HEMK2: variants seen among roughly 807,000 people sequenced by gnomAD.
HEMK2 encodes the protein HemK methyltransferase 2, ETF1 glutamine and histone H4 lysine.
chr21:28,656,037 C>A, the HEMK2 span, among the ~76,000 whole-genome samples: 2 of 151,874 alleles, frequency 1.3e-5, no homozygotes, highest in Non-Finnish European at 2.9e-5. Flanking sequence ...CTTTAAATAT[C>A]CAACTGAGTT....
At chr21:28,768,896 G>A in the HEMK2 span, among the ~76,000 whole-genome samples, 8 of 151,958 alleles carry the variant, frequency 5.3e-5, no homozygotes, top group Non-Finnish European at 1.0e-4. Flanking sequence ...GAAACACCAG[G>A]GGTGAGCATG....
At chr21:28,699,141 C>T in the HEMK2 span, among the ~76,000 whole-genome samples, 1 of 152,104 alleles carries the variant, frequency 6.6e-6, no homozygotes, top group African/African-American at 2.4e-5. Flanking sequence ...CATGAACCAC[C>T]AGAGAAAATC....
At chr21:28,714,459 G>A in the HEMK2 span, among the ~76,000 whole-genome samples, 1 of 152,122 alleles carries the variant, frequency 6.6e-6, no homozygotes, top group Non-Finnish European at 1.5e-5. Context: ...TACAGACAAT[G>A]AGATGAGGCT....
chr21:28,848,050 A>T, the HEMK2 span, among the ~76,000 whole-genome samples: 31 of 152,316 alleles, frequency 2.0e-4, no homozygotes, highest in African/African-American at 7.5e-4. Context: ...GAAGTCAGGT[A>T]GTGTGATGCC....
the HEMK2 span, among the ~76,000 whole-genome samples, chr21:28,827,374 C>T: frequency 1.1e-4 from 16 of 152,306 alleles, no homozygotes; most frequent in African/African-American, 3.8e-4. Context: ...TTCTTTGAGT[C>T]ACTTTTGGGA....
the HEMK2 span, among the ~76,000 whole-genome samples, chr21:28,819,200 T>C: frequency 2.0e-5 from 3 of 151,574 alleles, no homozygotes; most frequent in African/African-American, 7.3e-5. Context: ...TATTGTTGGA[T>C]ACCCATGACG....
At chr21:28,839,214 A>C in the HEMK2 span, among the ~76,000 whole-genome samples, 1 of 151,758 alleles carries the variant, frequency 6.6e-6, no homozygotes, top group Non-Finnish European at 1.5e-5. Context: ...CATACAAGGG[A>C]CATACCTTAA....
chr21:28,645,865 C>T, the HEMK2 span, among the ~76,000 whole-genome samples: 1 of 152,154 alleles, frequency 6.6e-6, no homozygotes, highest in Non-Finnish European at 1.5e-5. Flanking sequence ...GACTTTCCAG[C>T]CTTCAGAACT....
the HEMK2 span, among the ~76,000 whole-genome samples, chr21:28,791,658 C>T: frequency 2.6e-5 from 4 of 152,148 alleles, no homozygotes; most frequent in Non-Finnish European, 4.4e-5. Context: ...CTGAGACCCA[C>T]TACTCTGGTG....
chr21:28,617,697 T>TAATTTCTA, the HEMK2 span, among the ~76,000 whole-genome samples: 4 of 152,160 alleles, frequency 2.6e-5, no homozygotes, highest in African/African-American at 9.7e-5. Context: ...TTTCTAAAGG[T>TAATTTCTA]CATAAATTAA....
At chr21:28,586,571 C>A in the HEMK2 span, among the ~76,000 whole-genome samples, 67,431 of 152,062 alleles carry the variant, frequency 0.44, 16,578 homozygotes, top group Middle Eastern at 0.58. Flanking sequence ...TCCTATAACG[C>A]CATGCCTCTG....
the HEMK2 span, among the ~76,000 whole-genome samples, chr21:28,745,808 CACCCCCTTCA>C: frequency 2.6e-5 from 4 of 152,188 alleles, no homozygotes; most frequent in African/African-American, 9.7e-5. Context: ...TAACTTTTCT[CACCCCCTTCA>C]AATCCTATCC....
chr21:28,822,929 A>T, the HEMK2 span, among the ~76,000 whole-genome samples: 26,978 of 152,032 alleles, frequency 0.18, 3,030 homozygotes, highest in East Asian at 0.4. Context: ...TGACAACTGT[A>T]GTATGTTTGT....
At chr21:28,746,339 C>T in the HEMK2 span, among the ~76,000 whole-genome samples, 9 of 151,948 alleles carry the variant, frequency 5.9e-5, no homozygotes, top group South Asian at 2.1e-4. Context: ...GTTCCTTGCC[C>T]GTGGGGGACT....
chr21:28,657,356 T>C, the HEMK2 span, among the ~76,000 whole-genome samples: 1 of 152,048 alleles, frequency 6.6e-6, no homozygotes, highest in Non-Finnish European at 1.5e-5. Context: ...AATTTACTGT[T>C]TATCCAAAAG....
At chr21:28,825,951 G>A in the HEMK2 span, among the ~76,000 whole-genome samples, 3 of 152,228 alleles carry the variant, frequency 2.0e-5, no homozygotes, top group East Asian at 1.9e-4. Context: ...CATGAGAAGA[G>A]GAGGAGCCAG....
At chr21:28,619,693 A>G in the HEMK2 span, among the ~76,000 whole-genome samples, 1 of 152,326 alleles carries the variant, frequency 6.6e-6, no homozygotes, top group South Asian at 2.1e-4. Context: ...TTACAAAAGG[A>G]CTGAATAGAA....
At chr21:28,770,046 G>T in the HEMK2 span, among the ~76,000 whole-genome samples, 22 of 152,258 alleles carry the variant, frequency 1.4e-4, no homozygotes, top group East Asian at 4.1e-3. Flanking sequence ...TACTGTCTGA[G>T]AGCTGAATTT....
the HEMK2 span, among the ~76,000 whole-genome samples, chr21:28,656,925 T>C: frequency 6.6e-6 from 1 of 152,156 alleles, no homozygotes; most frequent in Non-Finnish European, 1.5e-5. Context: ...ACACCTACCT[T>C]CTAAGACTAC....
Sources: gnomAD v4.1 joint callset for allele counts (sites outside exome capture counted in the v4.1 genomes callset) on GRCh38, gnomAD v4.1.1 for gene constraint, MANE v1.5 for transcripts, NCBI Gene and HGNC (gene_info 2026-07-23, HGNC 2026-07-21) for gene names.